ATRNL1: variants seen among roughly 807,000 people sequenced by gnomAD.
The protein encoded by ATRNL1 is attractin like 1.
In ATRNL1, 95 loss-of-function variants were observed where a neutral mutation model predicts 182.7. That is an observed-to-expected ratio of 0.52 (90% confidence interval 0.44 to 0.62). ATRNL1 has a LOEUF of 0.62. Among genes scored for constraint, ATRNL1 ranks in the 20% least tolerant of loss-of-function variants. The pLI, the probability that ATRNL1 is intolerant of heterozygous loss-of-function variation, is 0.00. For missense variants in ATRNL1, 1,471 were observed against 1,679.5 expected, an observed-to-expected ratio of 0.88 and a Z score of 2.17; for synonymous variants, 576 against 568.3, an observed-to-expected ratio of 1.01 and a Z score of -0.19.
chr10:115,738,955 A>AAT, intron 27 of ATRNL1, among the ~76,000 whole-genome samples: 1 of 152,184 alleles, frequency 6.6e-6, no homozygotes, highest in Admixed American at 6.5e-5. Context: ...TCAAAAGCTA[A>AAT]ATATATATAT....
chr10:115,770,345 G>C (rs1316819025), intron 27 of ATRNL1, among the ~76,000 whole-genome samples: 1 of 152,032 alleles, frequency 6.6e-6, no homozygotes, highest in Admixed American at 6.5e-5. Flanking sequence ...GAGATAACTT[G>C]AGTACAGCAA....
At chr10:115,761,894 G>A (rs1238085246) in intron 27 of ATRNL1, among the ~76,000 whole-genome samples, 3 of 152,092 alleles carry the variant, frequency 2.0e-5, no homozygotes, top group African/African-American at 7.2e-5. Context: ...CAAAGTCGGG[G>A]CTCAACAATA....
chr10:115,375,078 T>G (rs1554949153), intron 19 of ATRNL1, among the ~76,000 whole-genome samples: 3 of 151,826 alleles, frequency 2.0e-5, no homozygotes, highest in Admixed American at 2.0e-4. Flanking sequence ...GCAAGGGTAT[T>G]CAAGTCCCTT....
At chr10:115,921,312 G>A (rs905176093) in intron 28 of ATRNL1, among the ~76,000 whole-genome samples, 2 of 102,834 alleles carry the variant, frequency 1.9e-5, no homozygotes, top group African/African-American at 2.8e-5. Context: ...ATGGATATAG[G>A]TTGTATTTAA....
At chr10:115,702,556 A>G (rs1555051870) in intron 26 of ATRNL1, among the ~76,000 whole-genome samples, 4 of 151,984 alleles carry the variant, frequency 2.6e-5, no homozygotes, top group Admixed American at 6.6e-5. Context: ...GACTCCACCA[A>G]AATTCTCCTG....
intron 20 of ATRNL1, among the ~76,000 whole-genome samples, chr10:115,401,290 T>C (rs1844552932): frequency 6.6e-6 from 1 of 152,138 alleles, no homozygotes; most frequent in Non-Finnish European, 1.5e-5. Flanking sequence ...GTAGTCATTT[T>C]CCCTGTTCCT....
intron 24 of ATRNL1, among the ~76,000 whole-genome samples, chr10:115,513,277 G>A (rs532849998): frequency 1.3e-5 from 2 of 151,826 alleles, no homozygotes; most frequent in African/African-American, 4.8e-5. Context: ...TCTGCTCTCT[G>A]TATCAAATTT....
chr10:115,793,025 T>G (rs1490182820), intron 27 of ATRNL1, among the ~76,000 whole-genome samples: 3 of 152,148 alleles, frequency 2.0e-5, no homozygotes, highest in Non-Finnish European at 4.4e-5. Flanking sequence ...TTTTTCCATA[T>G]AAGTAGTAAA....
chr10:115,552,927 C>G (rs1018386455), intron 26 of ATRNL1, among the ~76,000 whole-genome samples: 1 of 151,252 alleles, frequency 6.6e-6, no homozygotes, highest in Non-Finnish European at 1.5e-5. Context: ...TATAGCTTGT[C>G]CTTTTTACAG....
chr10:115,771,098 ATACCTTACCC>A (rs1948977679), intron 27 of ATRNL1, among the ~76,000 whole-genome samples: 1 of 152,158 alleles, frequency 6.6e-6, no homozygotes, highest in Admixed American at 6.5e-5. Flanking sequence ...CATTTATCAA[ATACCTTACCC>A]TGGTATTATG....
chr10:115,606,260 G>C (rs1365299032), intron 26 of ATRNL1, among the ~76,000 whole-genome samples: 5 of 151,884 alleles, frequency 3.3e-5, no homozygotes, highest in African/African-American at 1.2e-4. Flanking sequence ...TTCTAGGAAT[G>C]TACATTTTCA....
chr10:115,179,384 T>G (rs1554887479), intron 8 of ATRNL1, among the ~76,000 whole-genome samples: 1 of 152,078 alleles, frequency 6.6e-6, no homozygotes, highest in Non-Finnish European at 1.5e-5. Flanking sequence ...TGTTGCTTTA[T>G]TGAAGGCTGA....
intron 18 of ATRNL1, among the ~76,000 whole-genome samples, chr10:115,331,858 T>A (rs1554935185): frequency 6.6e-6 from 1 of 152,158 alleles, no homozygotes; most frequent in Non-Finnish European, 1.5e-5. Flanking sequence ...CCATATTGGG[T>A]GCCCAGGCCA....
intron 27 of ATRNL1, among the ~76,000 whole-genome samples, chr10:115,842,336 T>C (rs1191628156): frequency 6.6e-6 from 1 of 152,102 alleles, no homozygotes; most frequent in Non-Finnish European, 1.5e-5. Context: ...AAAAATTAGA[T>C]GTGCCATTTA....
intron 19 of ATRNL1, among the ~76,000 whole-genome samples, chr10:115,365,014 T>A (rs1856954298): frequency 6.6e-6 from 1 of 150,478 alleles, no homozygotes. Flanking sequence ...GGCTTTGGTA[T>A]CAGAATGATG....
intron 20 of ATRNL1, among the ~76,000 whole-genome samples, chr10:115,409,691 C>G (rs956544004): frequency 1.4e-4 from 21 of 152,100 alleles, no homozygotes; most frequent in Admixed American, 3.3e-4. Flanking sequence ...AAACCAAGAG[C>G]ATGATAGTAA....
At chr10:115,889,468 AC>A (rs1268192104) in intron 28 of ATRNL1, among the ~76,000 whole-genome samples, 1 of 152,180 alleles carries the variant, frequency 6.6e-6, no homozygotes, top group African/African-American at 2.4e-5. Context: ...AGCTAGGATA[AC>A]AGGCATGCGC....
intron 25 of ATRNL1, among the ~76,000 whole-genome samples, chr10:115,539,366 T>G (rs544607777): frequency 6.6e-6 from 1 of 152,342 alleles, no homozygotes; most frequent in Admixed American, 6.5e-5. Flanking sequence ...CATCTCTTTT[T>G]CTCTAAGTGA....
At chr10:115,887,414 C>A (rs182476452) in intron 28 of ATRNL1, among the ~76,000 whole-genome samples, 167 of 152,310 alleles carry the variant, frequency 1.1e-3, no homozygotes, top group Middle Eastern at 6.8e-3. Context: ...TAGTGAGGGG[C>A]AGCTTCCTTC....
Sources: allele counts gnomAD v4.1 joint callset (sites outside exome capture counted in the v4.1 genomes callset), GRCh38; gene constraint gnomAD v4.1.1; transcripts MANE v1.5; gene names NCBI Gene and HGNC (gene_info 2026-07-23, HGNC 2026-07-21).